LDB2: variants seen among roughly 807,000 people sequenced by gnomAD.
LDB2 encodes the protein LIM domain-binding protein 2.
In LDB2, 12 loss-of-function variants were observed where a neutral mutation model predicts 44.3. That is an observed-to-expected ratio of 0.27 (90% CI 0.17 to 0.44). The LOEUF (loss-of-function observed/expected upper bound fraction) is 0.44, where lower values mean the gene tolerates loss of function less well. Ranked by LOEUF, LDB2 falls within the 20% of genes least tolerant of loss-of-function variation. The probability of loss-of-function intolerance (pLI) is 1.00; values close to 1 mark genes in which losing one functional copy is unlikely to be tolerated. For missense variants in LDB2, 344 were observed against 473.5 expected (o/e 0.73, Z 2.54); for synonymous variants, 164 against 174.8 (o/e 0.94, Z 0.49).
intron 5 of LDB2, among the ~76,000 whole-genome samples, chr4:16,537,462 T>G (rs1732250367): frequency 6.6e-6 from 1 of 152,226 alleles, no homozygotes; most frequent in South Asian, 2.1e-4. Context: ...CTTAACAGTC[T>G]CATGAGTTCT....
chr4:16,700,022 AT>A (rs377344820), intron 2 of LDB2, among the ~76,000 whole-genome samples: 2 of 151,876 alleles, frequency 1.3e-5, no homozygotes, highest in Non-Finnish European at 2.9e-5. Context: ...AGGATGTCAG[AT>A]TTTTTTTCGG....
intron 1 of LDB2, among the ~76,000 whole-genome samples, chr4:16,825,229 AT>A (rs2110003667): frequency 6.6e-6 from 1 of 152,356 alleles, no homozygotes; most frequent in South Asian, 2.1e-4. Context: ...AGCTCCAATT[AT>A]TCCTAATATG....
intron 1 of LDB2, among the ~76,000 whole-genome samples, chr4:16,811,131 CCT>C (rs1281973167): frequency 1.3e-5 from 2 of 152,266 alleles, no homozygotes; most frequent in South Asian, 2.1e-4. Context: ...GTTAAGGACC[CCT>C]GAGTTACAGC....
At chr4:16,846,162 C>G (rs1580181192) in intron 1 of LDB2, among the ~76,000 whole-genome samples, 1 of 151,724 alleles carries the variant, frequency 6.6e-6, no homozygotes, top group African/African-American at 2.4e-5. Flanking sequence ...ATTATAAGGT[C>G]TGGTTCATCT....
At chr4:16,693,347 C>CTTTTT (rs71181181) in intron 2 of LDB2, among the ~76,000 whole-genome samples, 3,743 of 111,762 alleles carry the variant, frequency 0.033, 164 homozygotes, top group East Asian at 0.22. Flanking sequence ...AGCAATAGTT[C>CTTTTT]TTTTTTTTTT....
chr4:16,783,065 G>A (rs169606), intron 1 of LDB2, among the ~76,000 whole-genome samples: 113,727 of 152,160 alleles, frequency 0.75, 45,742 homozygotes, highest in South Asian at 0.92. Flanking sequence ...CTTCAAAGAT[G>A]TGAAGAATTT....
intron 7 of LDB2, among the ~76,000 whole-genome samples, chr4:16,503,939 A>T (rs560091888): frequency 2.6e-5 from 4 of 152,122 alleles, no homozygotes; most frequent in Non-Finnish European, 5.9e-5. Context: ...AGGGGACCAT[A>T]TGGGGTTGAT....
chr4:16,700,416 T>C (rs2152630855), intron 2 of LDB2, among the ~76,000 whole-genome samples: 1 of 152,334 alleles, frequency 6.6e-6, no homozygotes, highest in African/African-American at 2.4e-5. Flanking sequence ...GATATTCTTA[T>C]CCTGAGAGGT....
chr4:16,750,260 G>C (rs964701849), intron 2 of LDB2, among the ~76,000 whole-genome samples: 1 of 152,206 alleles, frequency 6.6e-6, no homozygotes, highest in African/African-American at 2.4e-5. Flanking sequence ...TACTCTTACA[G>C]GGTGGATGCT....
intron 2 of LDB2, among the ~76,000 whole-genome samples, chr4:16,677,979 C>T (rs1028593653): frequency 6.6e-6 from 1 of 152,180 alleles, no homozygotes; most frequent in Non-Finnish European, 1.5e-5. Flanking sequence ...GTGTGTAGAC[C>T]GTCTTTCTCT....
In LDB2 at chr4:16,701,716, T is replaced by C. The variant is rs1020253729; in HGVS notation, c.235+57442A>G. Reference sequence around the variant, plus strand: ...GCAGCCTGTGAGCTAGGTGCACGGCTTGTGGCGTTCAGGCTGGCTGGGATC... The same window carrying C: ...GCAGCCTGTGAGCTAGGTGCACGGCCTGTGGCGTTCAGGCTGGCTGGGATC... On this transcript the variant is annotated intron_variant, in intron 2 of 7. Transcript: ENST00000304523. Among the ~76,000 whole-genome samples the C allele has an allele frequency of 4.6e-5, 7 of 152,326 alleles. No individual in the cohort carries two copies. The East Asian group carries it at 1.4e-3, about 29-fold the overall frequency.
chr4:16,894,650 G>C (rs943755249), intron 1 of LDB2, among the ~76,000 whole-genome samples: 8 of 152,136 alleles, frequency 5.3e-5, no homozygotes, highest in African/African-American at 1.7e-4. Context: ...GGGAGAGTGA[G>C]AAGCAGAGGC....
chr4:16,848,140 A>C (rs1226020874), intron 1 of LDB2, among the ~76,000 whole-genome samples: 1 of 152,216 alleles, frequency 6.6e-6, no homozygotes, highest in East Asian at 1.9e-4. Flanking sequence ...CTCTACAGTA[A>C]GTATATATTA....
At chr4:16,891,934 G>A (rs528641509) in intron 1 of LDB2, among the ~76,000 whole-genome samples, 9 of 152,126 alleles carry the variant, frequency 5.9e-5, no homozygotes, top group Non-Finnish European at 1.2e-4. Context: ...CTAAACTACC[G>A]TCTATTTGAC....
chr4:16,553,507 C>T, intron 5 of LDB2, among the ~76,000 whole-genome samples: 1 of 152,292 alleles, frequency 6.6e-6, no homozygotes, highest in African/African-American at 2.4e-5. Flanking sequence ...GGTGAGAAAA[C>T]TGAGGCATGG....
At chr4:16,722,058 T>A (rs1758397843) in intron 2 of LDB2, among the ~76,000 whole-genome samples, 2 of 152,264 alleles carry the variant, frequency 1.3e-5, no homozygotes, top group South Asian at 4.2e-4. Flanking sequence ...CAATCTGGGT[T>A]CTAGATTCAG....
rs1770403788 is a variant in LDB2, at chr4:16,770,428, A to G, written c.133-11168T>C. On this transcript the variant is annotated intron_variant, in intron 1 of 7. Transcript: ENST00000304523. ...CTCTGCTCTATTTACATGTTTGTGA[A>G]ACAGGGGCTTTGATTCTTTGATGAC... Among the ~76,000 whole-genome samples the G allele has an allele frequency of 2.0e-5, 3 of 152,222 alleles. No individual in the cohort carries two copies. In the South Asian group the frequency reaches 6.2e-4, roughly 31 times the overall value.
intron 2 of LDB2, among the ~76,000 whole-genome samples, chr4:16,734,703 C>CTT (rs539507998): frequency 9.2e-4 from 119 of 129,346 alleles, no homozygotes; most frequent in Non-Finnish European, 1.6e-3. Context: ...TTCTTGTTTT[C>CTT]TTTTTTTTTT....
chr4:16,673,862 A>G (rs1745551338), intron 2 of LDB2, among the ~76,000 whole-genome samples: 1 of 152,202 alleles, frequency 6.6e-6, no homozygotes, highest in Admixed American at 6.5e-5. Context: ...ATGCTTGTTG[A>G]AAAGGTGGGG....
Sources: gnomAD v4.1 joint callset for allele counts (sites outside exome capture counted in the v4.1 genomes callset) on GRCh38, gnomAD v4.1.1 for gene constraint, MANE v1.5 for transcripts, NCBI Gene and HGNC (gene_info 2026-07-23, HGNC 2026-07-21) for gene names.